MYO1H: variants seen among roughly 807,000 people sequenced by gnomAD.
The protein encoded by MYO1H is myosin IH, also known as unconventional myosin-Ih.
MYO1H carries 118 observed loss-of-function variants against 149.3 expected under a neutral mutation model. The ratio of observed to expected loss-of-function variants is 0.79; its 90% CI spans 0.68 to 0.92. MYO1H has a LOEUF of 0.92. Ranked by LOEUF, MYO1H falls within the 40% of genes least tolerant of loss-of-function variation. The probability of loss-of-function intolerance (pLI) is 0.00; values close to 1 mark genes in which losing one functional copy is unlikely to be tolerated. For missense variants in MYO1H, 1,212 were observed against 1,280.7 expected, an observed-to-expected ratio of 0.95 and a Z score of 0.82; for synonymous variants, 447 against 465.2, an observed-to-expected ratio of 0.96 and a Z score of 0.50.
intron 16 of MYO1H, 144 bp from the exon 17 acceptor site, chr12:109,424,604 C>G: frequency 3.3e-6 from 2 of 598,532 alleles, no homozygotes. Context: ...CTGTGTTGTT[C>G]CCCTTTCTTT....
intron 1 of MYO1H, among the ~76,000 whole-genome samples, chr12:109,388,363 C>T (rs79127498): frequency 0.025 from 3,838 of 152,258 alleles, 60 homozygotes; most frequent in Middle Eastern, 0.054. Flanking sequence ...TCCTATGCCT[C>T]AGTTTTCTCA....
At chr12:109,414,597 T>A (rs1461412841) in intron 14 of MYO1H, among the ~76,000 whole-genome samples, 1 of 152,184 alleles carries the variant, frequency 6.6e-6, no homozygotes, top group African/African-American at 2.4e-5. Context: ...AATTGTTCTT[T>A]GTTACATCAC....
chr12:109,349,636 A>T (rs1341796435), intron 1 of MYO1H, among the ~76,000 whole-genome samples: 1 of 140,836 alleles, frequency 7.1e-6, no homozygotes. Context: ...CTCAGCCTGG[A>T]TGACAGTCTG....
chr12:109,385,310 T>TC (rs1869280893), intron 1 of MYO1H, among the ~76,000 whole-genome samples: 1 of 151,902 alleles, frequency 6.6e-6, no homozygotes, highest in Admixed American at 6.6e-5. Context: ...TTTTTTTTTT[T>TC]TTAAGACAAT....
chr12:109,419,108 G>A (rs372990845), intron 15 of MYO1H, among the ~76,000 whole-genome samples: 18 of 152,232 alleles, frequency 1.2e-4, no homozygotes, highest in African/African-American at 4.3e-4. Context: ...TCTCCTTTGG[G>A]GGGACCACAA....
exon 25 of MYO1H, chr12:109,440,806 C>G: frequency 6.4e-7 from 1 of 1,561,828 alleles, no homozygotes; most frequent in South Asian, 1.2e-5. Flanking sequence ...GCCGCGGGAT[C>G]ACAGCTGAGC....
chr12:109,328,780 T>G, the MYO1H span, among the ~76,000 whole-genome samples: 4 of 152,210 alleles, frequency 2.6e-5, no homozygotes, highest in Non-Finnish European at 4.4e-5. Context: ...TCCAGCTGTA[T>G]TTGAGGTATT....
At chr12:109,334,951 C>T in the MYO1H span, among the ~76,000 whole-genome samples, 490 of 152,304 alleles carry the variant, frequency 3.2e-3, 1 homozygote, top group African/African-American at 0.011. Flanking sequence ...CTTTTCCCCT[C>T]AGTCCCTGGC....
intron 1 of MYO1H, among the ~76,000 whole-genome samples, chr12:109,351,555 G>A (rs954433423): frequency 6.6e-6 from 1 of 152,148 alleles, no homozygotes; most frequent in African/African-American, 2.4e-5. Flanking sequence ...CTGTAATTGC[G>A]TTATATTTCT....
the MYO1H span, among the ~76,000 whole-genome samples, chr12:109,327,128 C>CTT: frequency 2.9e-5 from 3 of 103,692 alleles, no homozygotes; most frequent in Admixed American, 1.1e-4. Context: ...TTTTCTTTTT[C>CTT]TTTTTCTTTT....
the MYO1H span, among the ~76,000 whole-genome samples, chr12:109,331,147 A>G: frequency 2.6e-5 from 4 of 152,086 alleles, no homozygotes; most frequent in African/African-American, 9.7e-5. Flanking sequence ...CTGTTTTTTC[A>G]TCATTATCCT....
the MYO1H span, among the ~76,000 whole-genome samples, chr12:109,334,300 A>G: frequency 6.6e-6 from 1 of 152,124 alleles, no homozygotes; most frequent in Admixed American, 6.6e-5. Flanking sequence ...CATTACAGGC[A>G]TGAGCCACCG....
At position 109,440,330 on chromosome 12, in the gene MYO1H, C is replaced by T. The variant is rs78583130; in HGVS notation, c.2455-414C>T. Among the ~76,000 whole-genome samples the T allele has an allele frequency of 7.5e-3, 1,141 of 152,292 alleles. 19 individuals carry two copies. The highest frequency in any genetic ancestry group is 0.027 in the African/African-American group (1,106 of 41,566). ...GGATTACAGGTGCGAGTCACCGTGC[C>T]CAGCCGACAGAGTACTTTCGAATCA... is the stretch of plus-strand genomic sequence containing the variant. On this transcript the variant is annotated intron_variant, in intron 24 of 31. Transcript: ENST00000310903.
At chr12:109,428,624 T>A (rs575039675) in intron 19 of MYO1H, among the ~76,000 whole-genome samples, 1 of 152,166 alleles carries the variant, frequency 6.6e-6, no homozygotes, top group African/African-American at 2.4e-5. Flanking sequence ...ATAGCAGAAA[T>A]TTCATGTGGT....
intron 9 of MYO1H, 103 bp from the exon 10 acceptor site, chr12:109,407,691 C>T (rs1016630697): frequency 8.6e-6 from 11 of 1,271,736 alleles, no homozygotes; most frequent in African/African-American, 1.5e-5. Flanking sequence ...GAGCGAGACC[C>T]TGTCTCATTA....
intron 5 of MYO1H, among the ~76,000 whole-genome samples, chr12:109,398,202 C>T (rs1242770899): frequency 2.0e-5 from 3 of 151,840 alleles, no homozygotes; most frequent in Non-Finnish European, 4.4e-5. Flanking sequence ...CCAGAGATAT[C>T]GCTACAGATG....
the MYO1H span, among the ~76,000 whole-genome samples, chr12:109,333,573 C>A: frequency 6.6e-6 from 1 of 152,140 alleles, no homozygotes; most frequent in African/African-American, 2.4e-5. Context: ...ACCAGAAGCA[C>A]ACAGGAACAC....
the MYO1H span, among the ~76,000 whole-genome samples, chr12:109,331,541 CCCT>C: frequency 6.6e-6 from 1 of 152,216 alleles, no homozygotes; most frequent in Non-Finnish European, 1.5e-5. Context: ...AAAGTCTGGG[CCCT>C]CCTCGGAGCC....
At chr12:109,373,166 C>T (rs1240786863) in intron 1 of MYO1H, among the ~76,000 whole-genome samples, 1 of 152,066 alleles carries the variant, frequency 6.6e-6, no homozygotes, top group Non-Finnish European at 1.5e-5. Flanking sequence ...TAGTAATCAG[C>T]AGATGCTTTT....
Sources: gnomAD v4.1 joint callset for allele counts (sites outside exome capture counted in the v4.1 genomes callset) on GRCh38, gnomAD v4.1.1 for gene constraint, MANE v1.5 for transcripts, NCBI Gene and HGNC (gene_info 2026-07-23, HGNC 2026-07-21) for gene names.